The following ADIG variants were observed in gnomAD, a reference collection of about 807,000 sequenced individuals.
ADIG encodes adipogenesis associated.
Under a neutral mutation model 10.7 loss-of-function variants are expected in ADIG, and 12 were observed. The ratio of observed to expected loss-of-function variants is 1.12; its 90% confidence interval spans 0.72 to 1.82. ADIG has a LOEUF of 1.82. Among genes scored for constraint, ADIG ranks in the 40% most tolerant of loss-of-function variants. The pLI, the probability that ADIG is intolerant of heterozygous loss-of-function variation, is 0.00. For synonymous variants in ADIG, 32 were observed against 35.6 expected, an observed-to-expected ratio of 0.90 and a Z score of 0.36; for missense variants, 72 against 92.5, an observed-to-expected ratio of 0.78 and a Z score of 0.91.
intron 1 of ADIG, among the ~76,000 whole-genome samples, chr20:38,583,663 C>T (rs903529009): frequency 6.6e-6 from 1 of 152,232 alleles, no homozygotes; most frequent in Non-Finnish European, 1.5e-5. Context: ...ACCACCCAGG[C>T]CAAGGCCTGC....
At chr20:38,584,805 G>A (rs1014702967) in intron 1 of ADIG, among the ~76,000 whole-genome samples, 1 of 151,428 alleles carries the variant, frequency 6.6e-6, no homozygotes, top group African/African-American at 2.4e-5. Context: ...TTGAGACGGA[G>A]TCTCGCTCTG....
In ADIG at chr20:38,581,507, C is replaced by CA. The variant is rs2088591466; in HGVS notation, c.124+134dup. 7 of 1,314,036 alleles carry CA rather than the reference C, an allele frequency of 5.3e-6. No individual in the cohort carries two copies. The South Asian group carries it at 9.7e-5, about 18-fold the overall frequency. The allele number at this position is 1,314,036 out of a possible 1,614,324, so 81.4% of individuals were successfully genotyped here. On this transcript the variant is annotated intron_variant, in intron 1 of 2. Transcript: ENST00000537425. ...TTTTAAGTGCTCGCTTAGATACAAG[C>CA]AGTCAACTCTTAAGTGGAAAGGATT...
At chr20:38,586,344 C>T in intron 2 of ADIG, 183 bp downstream of exon 2, 2 of 583,040 alleles carry the variant, frequency 3.4e-6, no homozygotes, top group Non-Finnish European at 3.0e-6. Flanking sequence ...TGGTGTTGCC[C>T]TGTTAAAGGG....
intron 2 of ADIG, among the ~76,000 whole-genome samples, chr20:38,587,195 G>A (rs900298506): frequency 1.1e-4 from 17 of 152,012 alleles, no homozygotes; most frequent in Admixed American, 6.5e-5. Context: ...TCACGAACCC[G>A]GGAGCCAGCC....
At chr20:38,582,839 C>T (rs1569000243) in intron 1 of ADIG, among the ~76,000 whole-genome samples, 1 of 151,636 alleles carries the variant, frequency 6.6e-6, no homozygotes, top group Non-Finnish European at 1.5e-5. Flanking sequence ...TTTTTTGAAA[C>T]AGAGTCTTAC....
chr20:38,588,101 T>C lies in ADIG; in HGVS notation c.*15T>C. 2.3e-6 allele frequency: 3 copies of C among 1,297,106 alleles called. No individual in the cohort carries two copies. The highest frequency in any genetic ancestry group is 3.0e-6 in the Non-Finnish European group (3 of 985,212). The allele number at this position is 1,297,106 out of a possible 1,614,324, so 80.3% of individuals were successfully genotyped here. A position where few individuals can be genotyped will look rare whatever the true frequency, so the allele number is the denominator to read the frequency against. ...GTCCCAACCTTCCTTTTGTTTCTAG[T>C]TTGGTTTTCCTGGAGTCAGCAGGGC... On this transcript the variant is annotated splice_region_variant and 3_prime_UTR_variant, in exon 3 of 3. Transcript: ENST00000537425.
chr20:38,588,213 C>A lies in ADIG; in HGVS notation c.*127C>A. On this transcript the variant is annotated 3_prime_UTR_variant, in exon 3 of 3. Coordinates refer to ENST00000537425, the MANE Select transcript of ADIG (RefSeq NM_001393816.1). ...TGTGGTGCCTCCCTGGAACCCCCAA[C>A]TCATCTCCTCTTCAGACCGACATGT... The A allele has an allele frequency of 7.7e-7, 1 of 1,304,676 alleles. No homozygotes were observed. The highest frequency in any genetic ancestry group is 1.0e-6 in the Non-Finnish European group (1 of 988,964). The allele number at this position is 1,304,676 out of a possible 1,614,324, so 80.8% of individuals were successfully genotyped here.
intron 2 of ADIG, among the ~76,000 whole-genome samples, chr20:38,587,167 T>C (rs892819400): frequency 1.3e-5 from 2 of 152,196 alleles, no homozygotes; most frequent in East Asian, 1.9e-4. Flanking sequence ...CCACTGTGGA[T>C]TGATTCTGTT....
At position 38,585,934 on chromosome 20, in the gene ADIG, C is replaced by T. The variant is rs969960170; in HGVS notation, c.125-95C>T. 4.0e-6 allele frequency: 5 copies of T among 1,262,278 alleles called. No homozygotes were observed. In the Admixed American group the frequency reaches 6.1e-5, roughly 15 times the overall value. 78.2% of individuals were successfully genotyped at this position (1,262,278 alleles called of 1,614,324 possible). ...TTGGCCCTAGCCTCAGGCAAGGCTG[C>T]AGGGATACCCAGGCCTGGCAGGGGA... On this transcript the variant is annotated intron_variant, in intron 1 of 2. Coordinates refer to ENST00000537425, the MANE Select transcript of ADIG (RefSeq NM_001393816.1).
chr20:38,584,802 G>C (rs1423095514), intron 1 of ADIG, among the ~76,000 whole-genome samples: 1 of 150,252 alleles, frequency 6.7e-6, no homozygotes, highest in Non-Finnish European at 1.5e-5. Flanking sequence ...TTTTTGAGAC[G>C]GAGTCTCGCT....
Position 38,581,386 on chromosome 20 carries a change from AC to A in ADIG, c.124+16del. On this transcript the variant is annotated intron_variant, in intron 1 of 2. Coordinates refer to ENST00000537425, the MANE Select transcript of ADIG (RefSeq NM_001393816.1). The stretch of plus-strand genomic sequence containing the variant: ...CTTACTTAGCCAAGGTGAGCTTCTT[AC>A]CCCGTCCAGGCAGGACCCTAATCCT... 2.5e-6 allele frequency: 4 copies of A among 1,613,674 alleles called. No individual in the cohort carries two copies. The highest frequency in any genetic ancestry group is 3.4e-6 in the Non-Finnish European group (4 of 1,179,780).
chr20:38,585,473 A>AT (rs1207622486), intron 1 of ADIG: 2 of 1,550,482 alleles, frequency 1.3e-6, no homozygotes, highest in Admixed American at 3.9e-5. Flanking sequence ...TGATGCAAAC[A>AT]TTTTAACAGC....
At chr20:38,581,697 A>G (rs778787565) in intron 1 of ADIG, among the ~76,000 whole-genome samples, 1 of 152,210 alleles carries the variant, frequency 6.6e-6, no homozygotes, top group African/African-American at 2.4e-5. Context: ...ATCAGAGGTT[A>G]TCGCTCCAGG....
In ADIG at chr20:38,585,306, A is replaced by G. The variant is rs116605089; in HGVS notation, c.125-723A>G. On this transcript the variant is annotated intron_variant, in intron 1 of 2. Coordinates refer to ENST00000537425, the MANE Select transcript of ADIG (RefSeq NM_001393816.1). The stretch of plus-strand genomic sequence containing the variant: ...CTTTTTTTCTCACCCTACCTCCCCA[A>G]GATGAGTCTGTTAGCAAACTCATTA... 822 of 965,840 alleles carry G rather than the reference A, an allele frequency of 8.5e-4. 3 individuals are homozygous for G. The African/African-American group carries it at 0.012, about 14-fold the overall frequency. 59.8% of individuals were successfully genotyped at this position (965,840 alleles called of 1,614,324 possible). A position where few individuals can be genotyped will look rare whatever the true frequency, so the allele number is the denominator to read the frequency against.
chr20:38,583,517 A>C (rs972801440), intron 1 of ADIG, among the ~76,000 whole-genome samples: 7 of 152,234 alleles, frequency 4.6e-5, no homozygotes, highest in Non-Finnish European at 8.8e-5. Context: ...GGCACACAGT[A>C]CGCATACACA....
At chr20:38,584,802 G>A (rs1423095514) in intron 1 of ADIG, among the ~76,000 whole-genome samples, 1 of 150,252 alleles carries the variant, frequency 6.7e-6, no homozygotes, top group Non-Finnish European at 1.5e-5. Context: ...TTTTTGAGAC[G>A]GAGTCTCGCT....
At chr20:38,583,137 G>A (rs921164016) in intron 1 of ADIG, among the ~76,000 whole-genome samples, 28 of 152,166 alleles carry the variant, frequency 1.8e-4, no homozygotes, top group Admixed American at 1.8e-3. Context: ...CTTCTTAATA[G>A]TTCCTAATAA....
rs1329434126 is a variant in ADIG at position 38,585,839 on chromosome 20, T to C, written c.125-190T>C. 3 of 630,624 alleles carry C rather than the reference T, an allele frequency of 4.8e-6. No individual in the cohort carries two copies. The African/African-American group carries it at 5.5e-5, about 12-fold the overall frequency. The allele number at this position is 630,624 out of a possible 1,614,324, so 39.1% of individuals were successfully genotyped here. A position where few individuals can be genotyped will look rare whatever the true frequency, so the allele number is the denominator to read the frequency against. On this transcript the variant is annotated intron_variant, in intron 1 of 2. Transcript: ENST00000537425. ...AAGTCACAGGAGCAGCCTTCTTTCT[T>C]GGTCCCTGGTCACCCTTTAAGGCCC...
intron 1 of ADIG, among the ~76,000 whole-genome samples, chr20:38,583,038 G>A (rs758205522): frequency 1.2e-4 from 18 of 152,106 alleles, no homozygotes; most frequent in Admixed American, 2.0e-4. Context: ...GGCTGGTCTC[G>A]AACTCCTGAG....
Sources: gnomAD v4.1 joint callset for allele counts (sites outside exome capture counted in the v4.1 genomes callset) on GRCh38, gnomAD v4.1.1 for gene constraint, MANE v1.5 for transcripts, NCBI Gene and HGNC (gene_info 2026-07-23, HGNC 2026-07-21) for gene names.